MRM1: variants seen among roughly 807,000 people sequenced by gnomAD.
MRM1 encodes the protein mitochondrial rRNA methyltransferase 1.
Under a neutral mutation model 25.0 loss-of-function variants are expected in MRM1, and 24 were observed. The observed-to-expected ratio is 0.96, with a 90% CI of 0.69 to 1.35. MRM1 has a LOEUF of 1.35. MRM1 is among the 40% of genes most tolerant of loss of function. The pLI is 0.00. For synonymous variants in MRM1, 188 were observed against 199.2 expected (o/e 0.94, Z 0.47); for missense variants, 431 against 464.1 (o/e 0.93, Z 0.65).
rs564632796 is a variant in MRM1 at position 36,605,727 on chromosome 17, C to T, written c.637-1943C>T. Among the ~76,000 whole-genome samples the T allele has an allele frequency of 2.0e-5, 3 of 151,916 alleles. No homozygotes were observed. In the East Asian group the frequency reaches 5.8e-4, roughly 29 times the overall value. On this transcript the variant is annotated intron_variant, in intron 2 of 4. Coordinates refer to ENST00000614766, the MANE Select transcript of MRM1 (RefSeq NM_024864.5). The stretch of plus-strand genomic sequence containing the variant: ...TTGTTCCTTCTGGAGCAACTCCATC[C>T]CTTTGGTTGTTTAGGTCAAAAACCT...
chr17:36,606,174 G>A (rs1264611182), intron 2 of MRM1, among the ~76,000 whole-genome samples: 2 of 152,092 alleles, frequency 1.3e-5, no homozygotes, highest in South Asian at 2.1e-4. Flanking sequence ...ATGTCTGCAC[G>A]GTGCTCCTCC....
At chr17:36,612,392 A>G (rs1452867770), downstream of MRM1, among the ~76,000 whole-genome samples, 1 of 152,232 alleles carries the variant, frequency 6.6e-6, no homozygotes, top group Non-Finnish European at 1.5e-5. Context: ...CAGTCCCCCA[A>G]CAAAGAGGAA....
At position 36,608,525 on chromosome 17, in the gene MRM1, T is replaced by C; in HGVS notation, c.*110T>C. The stretch of plus-strand genomic sequence containing the variant: ...CCTGAGTGTGCACCAGGCCCATGTT[T>C]ATTGACCACAGTCTGGGGGGGGGGG... On this transcript the variant is annotated 3_prime_UTR_variant, in exon 5 of 5. Coordinates refer to ENST00000614766, the MANE Select transcript of MRM1 (RefSeq NM_024864.5). 3 of 420,248 alleles carry C rather than the reference T, an allele frequency of 7.1e-6. No individual in the cohort carries two copies. Among genetic ancestry groups the C allele is most frequent in the Admixed American group, 4.3e-5 (1 of 23,328 alleles). The allele number at this position is 420,248 out of a possible 1,614,324, so 26.0% of individuals were successfully genotyped here. A position where few individuals can be genotyped will look rare whatever the true frequency, so the allele number is the denominator to read the frequency against.
the MRM1 span, among the ~76,000 whole-genome samples, chr17:36,633,820 G>T: frequency 1.3e-5 from 2 of 152,320 alleles, no homozygotes; most frequent in Non-Finnish European, 2.9e-5. Flanking sequence ...TTCCCTGGCT[G>T]ATTCCGCTGT....
the MRM1 span, among the ~76,000 whole-genome samples, chr17:36,618,704 G>A: frequency 1.3e-5 from 2 of 152,322 alleles, no homozygotes; most frequent in Non-Finnish European, 2.9e-5. Context: ...CGCAGCCTCC[G>A]TACAAGGGTA....
chr17:36,606,047 CCTT>C (rs1001235658), intron 2 of MRM1, among the ~76,000 whole-genome samples: 13 of 152,290 alleles, frequency 8.5e-5, no homozygotes, highest in African/African-American at 3.1e-4. Flanking sequence ...GGCTCTTGTT[CCTT>C]CTTCTGTCTT....
Position 36,602,300 on chromosome 17 carries a change from C to A in MRM1, c.490C>A (p.Arg164Ser). ...QDPRNFGAVL[R>S]SAHFLGVDKV... ...TCCCCGGAATTTTGGGGCTGTGCTG[C>A]GTTCCGCACACTTCCTCGGAGTGGA... Residue 164 changes from arginine to serine, a missense_variant, in exon 1 of 5, where the codon CGT becomes AGT. By Grantham distance (110) the Arg-to-Ser change is moderately radical. Coordinates refer to ENST00000614766, the MANE Select transcript of MRM1 (RefSeq NM_024864.5). This position sits in a 1 kb window ranked among gnomAD's most constrained non-coding sequence, Gnocchi z 4.1. 6.3e-7 allele frequency: 1 copy of A among 1,592,112 alleles called. No homozygotes were observed. Among genetic ancestry groups the A allele is most frequent in the Non-Finnish European group, 8.6e-7 (1 of 1,165,088 alleles).
chr17:36,629,385 C>G, the MRM1 span, among the ~76,000 whole-genome samples: 2 of 152,188 alleles, frequency 1.3e-5, no homozygotes, highest in African/African-American at 4.8e-5. Context: ...CCGGCCACCC[C>G]CATGAGAGGT....
intron 2 of MRM1, among the ~76,000 whole-genome samples, chr17:36,603,848 A>T (rs575025002): frequency 6.6e-6 from 1 of 152,268 alleles, no homozygotes; most frequent in South Asian, 2.1e-4. Context: ...ATCTAGAAGC[A>T]TTTTTTGGCT....
At chr17:36,618,962 T>C in the MRM1 span, among the ~76,000 whole-genome samples, 1 of 152,204 alleles carries the variant, frequency 6.6e-6, no homozygotes, top group Admixed American at 6.5e-5. Context: ...CAGTCAGTAG[T>C]GTTAAGTATA....
the MRM1 span, among the ~76,000 whole-genome samples, chr17:36,629,569 AG>A: frequency 6.6e-6 from 1 of 152,186 alleles, no homozygotes; most frequent in East Asian, 1.9e-4. Flanking sequence ...ACCCCGACCT[AG>A]GGTAGGCCAA....
the MRM1 span, among the ~76,000 whole-genome samples, chr17:36,621,493 C>T: frequency 6.6e-6 from 1 of 152,158 alleles, no homozygotes; most frequent in East Asian, 1.9e-4. Flanking sequence ...TCCCCACTCC[C>T]GGCTTCCCAG....
chr17:36,623,594 T>A, the MRM1 span, among the ~76,000 whole-genome samples: 1 of 152,180 alleles, frequency 6.6e-6, no homozygotes, highest in Non-Finnish European at 1.5e-5. Context: ...ATTCAGTTCA[T>A]CCCTCTGTGC....
At chr17:36,604,444 AC>A (rs1192143647) in intron 2 of MRM1, among the ~76,000 whole-genome samples, 1 of 151,786 alleles carries the variant, frequency 6.6e-6, no homozygotes, top group African/African-American at 2.4e-5. Context: ...TTCTTCCTCA[AC>A]CCCCTGACTT....
chr17:36,622,977 C>T, the MRM1 span, among the ~76,000 whole-genome samples: 1 of 152,244 alleles, frequency 6.6e-6, no homozygotes, highest in Non-Finnish European at 1.5e-5. Context: ...CCTGAATTGG[C>T]CCTCCAAGCC....
chr17:36,624,768 C>T, the MRM1 span, among the ~76,000 whole-genome samples: 2 of 152,136 alleles, frequency 1.3e-5, no homozygotes, highest in Non-Finnish European at 2.9e-5. This position sits in a 1 kb window ranked among gnomAD's most constrained non-coding sequence, Gnocchi z 4.0. Context: ...TCCCAGGTCT[C>T]GTTTTCCTTC....
the MRM1 span, among the ~76,000 whole-genome samples, chr17:36,624,046 T>G: frequency 2.0e-5 from 3 of 152,212 alleles, no homozygotes; most frequent in Non-Finnish European, 1.5e-5. The surrounding 1 kb of genome is among the most constrained non-coding windows in gnomAD (Gnocchi z 4.0). Context: ...AAGTTTAGGC[T>G]GGAGCTGATG....
downstream of MRM1, among the ~76,000 whole-genome samples, chr17:36,611,965 T>C (rs1599588757): frequency 6.6e-6 from 1 of 152,002 alleles, no homozygotes; most frequent in African/African-American, 2.4e-5. Flanking sequence ...CAGTTGTTTC[T>C]GTTTCTCTGG....
the MRM1 span, among the ~76,000 whole-genome samples, chr17:36,616,293 C>A: frequency 6.6e-6 from 1 of 152,184 alleles, no homozygotes; most frequent in Non-Finnish European, 1.5e-5. Flanking sequence ...GAGCACGCCT[C>A]CAGCCGGCCT....
Sources: gnomAD v4.1 joint callset for allele counts (sites outside exome capture counted in the v4.1 genomes callset) on GRCh38, gnomAD v4.1.1 for gene constraint, Gnocchi (gnomAD v3.1) non-coding constraint, MANE v1.5 for transcripts, NCBI Gene and HGNC (gene_info 2026-07-23, HGNC 2026-07-21) for gene names.